Variants in ANKRD44 observed in about 807,000 individuals in gnomAD.
ANKRD44 encodes serine/threonine-protein phosphatase 6 regulatory ankyrin repeat subunit B.
In ANKRD44, 35 loss-of-function variants were observed where a neutral mutation model predicts 116.0. The ratio of observed to expected loss-of-function variants is 0.30; its 90% CI spans 0.23 to 0.40. ANKRD44 has a LOEUF of 0.40. Among genes scored for constraint, ANKRD44 ranks in the 10% least tolerant of loss-of-function variants. The pLI is 1.00. For missense variants in ANKRD44, 1,014 were observed against 1,242.6 expected (o/e 0.82, Z 2.77); for synonymous variants, 435 against 461.8 (o/e 0.94, Z 0.74).
At chr2:196,980,621 C>T (rs1451667309) in intron 21 of ANKRD44, among the ~76,000 whole-genome samples, 2 of 152,196 alleles carry the variant, frequency 1.3e-5, no homozygotes, top group African/African-American at 2.4e-5. Flanking sequence ...ATCACTAAGA[C>T]GTTGTCTGAA....
At chr2:197,224,303 T>C (rs1376148285) in intron 1 of ANKRD44, among the ~76,000 whole-genome samples, 1 of 152,226 alleles carries the variant, frequency 6.6e-6, no homozygotes, top group African/African-American at 2.4e-5. Flanking sequence ...TGATCAACTG[T>C]ATCCACAATT....
At chr2:197,157,452 A>T (rs763850322) in intron 2 of ANKRD44, among the ~76,000 whole-genome samples, 1 of 152,140 alleles carries the variant, frequency 6.6e-6, no homozygotes, top group Non-Finnish European at 1.5e-5. Context: ...AGGTAGGTGG[A>T]TCACCTGAGG....
chr2:197,271,774 A>T (rs1430213027), intron 1 of ANKRD44, among the ~76,000 whole-genome samples: 4 of 151,826 alleles, frequency 2.6e-5, no homozygotes, highest in Non-Finnish European at 4.4e-5. Flanking sequence ...ACCATTTTTT[A>T]AATTTTTTGT....
chr2:197,147,783 A>C, intron 2 of ANKRD44: 1 of 406,990 alleles, frequency 2.5e-6, no homozygotes, highest in South Asian at 1.8e-5. Context: ...CAGATAAAAC[A>C]CCGTATGGGA....
intron 1 of ANKRD44, among the ~76,000 whole-genome samples, chr2:197,213,182 T>C (rs1165327582): frequency 6.6e-6 from 1 of 152,220 alleles, no homozygotes; most frequent in Admixed American, 6.5e-5. Context: ...CAGCGAGCTA[T>C]GACCCCTCTA....
intron 16 of ANKRD44, among the ~76,000 whole-genome samples, chr2:197,072,643 T>C (rs765603855): frequency 6.6e-6 from 1 of 152,236 alleles, no homozygotes; most frequent in Non-Finnish European, 1.5e-5. Flanking sequence ...TTTTGGCACC[T>C]GATAAGTGCC....
At chr2:196,993,788 A>G (rs1252395662) in intron 26 of ANKRD44, 114 bp from the exon 27 acceptor site, 1 of 791,684 alleles carries the variant, frequency 1.3e-6, no homozygotes, top group Non-Finnish European at 2.0e-6. Flanking sequence ...CAAATAGTAC[A>G]TGGATGTTTT....
chr2:197,056,885 G>C (rs1170276866), intron 16 of ANKRD44, among the ~76,000 whole-genome samples: 1 of 152,136 alleles, frequency 6.6e-6, no homozygotes, highest in Non-Finnish European at 1.5e-5. Context: ...CTTAACATCT[G>C]TAACTTAATT....
chr2:197,302,394 A>G (rs951026555), intron 1 of ANKRD44: 2 of 152,276 alleles, frequency 1.3e-5, no homozygotes, highest in Admixed American at 1.3e-4. Flanking sequence ...GGTGGCAGCC[A>G]GTGAAAAATA....
At chr2:197,232,529 T>A in intron 1 of ANKRD44, among the ~76,000 whole-genome samples, 1 of 152,138 alleles carries the variant, frequency 6.6e-6, no homozygotes, top group East Asian at 1.9e-4. Flanking sequence ...TTGAGGAAAA[T>A]CAATCTCTGA....
At chr2:197,260,594 G>A (rs557859558) in intron 1 of ANKRD44, among the ~76,000 whole-genome samples, 2,278 of 151,540 alleles carry the variant, frequency 0.015, 14 homozygotes, top group Non-Finnish European at 0.019. Context: ...TTGGGTATAT[G>A]CCCAGTAATG....
chr2:197,216,799 C>G (rs2081454853), intron 1 of ANKRD44, among the ~76,000 whole-genome samples: 1 of 151,470 alleles, frequency 6.6e-6, no homozygotes, highest in Non-Finnish European at 1.5e-5. Flanking sequence ...CCAGGAAGCA[C>G]TACTTTATGC....
chr2:197,250,582 G>T (rs970448025), intron 1 of ANKRD44, among the ~76,000 whole-genome samples: 2 of 152,218 alleles, frequency 1.3e-5, no homozygotes, highest in Admixed American at 1.3e-4. Context: ...AAATGTAGGT[G>T]AGGAATAATA....
intron 16 of ANKRD44, among the ~76,000 whole-genome samples, chr2:197,052,462 T>C (rs767026387): frequency 5.9e-5 from 9 of 152,160 alleles, no homozygotes; most frequent in Non-Finnish European, 1.2e-4. Flanking sequence ...ATGTAGGCTG[T>C]TTGGCAGAGG....
intron 19 of ANKRD44, 81 bp from the exon 20 acceptor site, chr2:197,008,004 T>TCTC: frequency 1.3e-6 from 1 of 782,772 alleles, no homozygotes; most frequent in Non-Finnish European, 1.9e-6. Flanking sequence ...ACATTCTCTT[T>TCTC]CTCCCATTCT....
In ANKRD44 at chr2:197,126,014, C is replaced by T; in HGVS notation, c.285G>A (p.Lys95=). Reference sequence around the variant, plus strand: ...CCCTTGCATTGACATCAGCTGAGTGCTTAATCAAAACCTGTACTGCTTCCT... The same window carrying T: ...CCCTTGCATTGACATCAGCTGAGTGTTTAATCAAAACCTGTACTGCTTCCT... The part of the protein sequence containing the change: ...RSEEAVQVLI[K]HSADVNARDK... Residue 95 remains lysine, a synonymous_variant, in exon 5 of 28, where the codon AAG becomes AAA. Coordinates refer to ENST00000282272, the MANE Select transcript of ANKRD44 (RefSeq NM_001195144.2). 6.2e-7 allele frequency: 1 copy of T among 1,614,192 alleles called. No homozygotes were observed. Among genetic ancestry groups the T allele is most frequent in the Non-Finnish European group, 8.5e-7 (1 of 1,180,030 alleles).
intron 1 of ANKRD44, among the ~76,000 whole-genome samples, chr2:197,205,436 G>C (rs1223970366): frequency 6.6e-6 from 1 of 152,134 alleles, no homozygotes; most frequent in Non-Finnish European, 1.5e-5. Flanking sequence ...GTATTTTTCA[G>C]AACAACCTGG....
At chr2:197,035,129 A>C (rs1440991744) in intron 16 of ANKRD44, among the ~76,000 whole-genome samples, 2 of 152,232 alleles carry the variant, frequency 1.3e-5, no homozygotes, top group Admixed American at 1.3e-4. Context: ...TGATAAGAAA[A>C]TCAAGAACAA....
chr2:197,229,306 T>C (rs1236588555), intron 1 of ANKRD44, among the ~76,000 whole-genome samples: 2 of 152,234 alleles, frequency 1.3e-5, no homozygotes, highest in Admixed American at 6.5e-5. Context: ...AGAGACTTAT[T>C]AAATCCAAAT....
Sources: allele counts gnomAD v4.1 joint callset (sites outside exome capture counted in the v4.1 genomes callset), GRCh38; gene constraint gnomAD v4.1.1; transcripts MANE v1.5; gene names NCBI Gene and HGNC (gene_info 2026-07-23, HGNC 2026-07-21).